DAW1: variants seen among roughly 807,000 people sequenced by gnomAD.
DAW1 encodes the protein dynein assembly factor with WD repeats 1.
Under a neutral mutation model 56.5 loss-of-function variants are expected in DAW1, and 47 were observed. The ratio of observed to expected loss-of-function variants is 0.83; its 90% CI spans 0.66 to 1.06. The LOEUF is 1.06. Ranked by LOEUF, DAW1 falls within the 50% of genes least tolerant of loss-of-function variation. DAW1 has a pLI of 0.00. For missense variants in DAW1, 505 were observed against 499.3 expected, an observed-to-expected ratio of 1.01 and a Z score of -0.11; for synonymous variants, 190 against 179.0, an observed-to-expected ratio of 1.06 and a Z score of -0.49.
intron 10 of DAW1, among the ~76,000 whole-genome samples, chr2:227,915,375 C>A (rs933380833): frequency 6.6e-6 from 1 of 152,030 alleles, no homozygotes; most frequent in Non-Finnish European, 1.5e-5. Context: ...AACTTAAGTA[C>A]TATGTATATG....
intron 2 of DAW1, chr2:227,887,866 C>T (rs986068502): frequency 1.3e-5 from 2 of 152,176 alleles, no homozygotes; most frequent in Admixed American, 1.3e-4. Flanking sequence ...TGTAAAAACA[C>T]TGGCACCATA....
intron 5 of DAW1, among the ~76,000 whole-genome samples, chr2:227,897,970 A>G (rs1691451546): frequency 6.6e-6 from 1 of 152,136 alleles, no homozygotes; most frequent in Non-Finnish European, 1.5e-5. Context: ...TATACCTATA[A>G]CTTTAATATA....
intron 2 of DAW1, among the ~76,000 whole-genome samples, chr2:227,888,949 G>T (rs1457680497): frequency 6.6e-6 from 1 of 151,958 alleles, no homozygotes; most frequent in African/African-American, 2.4e-5. Context: ...GTCTTATGAT[G>T]CTTTAAATTT....
Position 227,907,247 on chromosome 2 carries a change from C to G in DAW1, c.968C>G (p.Ala323Gly), listed in dbSNP as rs1365625335. The G allele has an allele frequency of 4.3e-6, 7 of 1,611,306 alleles. 1 individual carries two copies. In the Admixed American group the frequency reaches 1.2e-4, roughly 27 times the overall value. Residue 323 changes from alanine to glycine, a missense_variant, in exon 10 of 13, where the codon GCT becomes GGT. Transcript: ENST00000309931. The part of the protein sequence containing the change: ...YTGKLIATAS[A>G]DGTARIFSAA... ...GGAAAGCTTATTGCAACTGCTTCAGCTGATGGTAGGTGATCTGTTCATTCT... is the reference window on the plus strand; with the variant it reads ...GGAAAGCTTATTGCAACTGCTTCAGGTGATGGTAGGTGATCTGTTCATTCT...
chr2:227,904,740 C>A (rs2106205085), intron 7 of DAW1, among the ~76,000 whole-genome samples, 189 bp from the exon 8 acceptor site: 1 of 152,228 alleles, frequency 6.6e-6, no homozygotes, highest in Non-Finnish European at 1.5e-5. Context: ...AGTTTTCAAA[C>A]CTTTCCATCA....
chr2:227,888,703 G>A (rs1691187017), intron 2 of DAW1, among the ~76,000 whole-genome samples: 1 of 152,228 alleles, frequency 6.6e-6, no homozygotes, highest in African/African-American at 2.4e-5. Context: ...TCTGCATAGT[G>A]CATCTTCTGG....
rs755784689 is a variant in DAW1, at chr2:227,906,306, A to T, written c.826A>T (p.Ile276Leu). The T allele has an allele frequency of 5.0e-6, 8 of 1,612,658 alleles. No homozygotes were observed. Among genetic ancestry groups the T allele is most frequent in the Non-Finnish European group, 6.8e-6 (8 of 1,179,082 alleles). ...CTCATTCAATTGGGATTGCTCTCTA[A>T]TATTAACTGGCTCTATGGACAAAAC... ...SASFNWDCSL[I>L]LTGSMDKTCK... Residue 276 changes from isoleucine to leucine, a missense_variant, in exon 9 of 13, where the codon ATA becomes TTA. By Grantham distance (5) the Ile-to-Leu change is conservative (BLOSUM62 2). Coordinates refer to ENST00000309931, the MANE Select transcript of DAW1 (RefSeq NM_178821.3).
intron 11 of DAW1, among the ~76,000 whole-genome samples, chr2:227,919,296 T>G (rs1432831140): frequency 6.6e-6 from 1 of 152,124 alleles, no homozygotes; most frequent in African/African-American, 2.4e-5. Context: ...GTCTCATGTT[T>G]TTTTCTAGAA....
chr2:227,897,430 A>C (rs2106199757), intron 5 of DAW1, among the ~76,000 whole-genome samples: 1 of 152,292 alleles, frequency 6.6e-6, no homozygotes, highest in African/African-American at 2.4e-5. Context: ...GGGTTGTGAG[A>C]TCTCTTACAC....
At chr2:227,896,633 TGAGAGAGAGA>T (rs926180024) in intron 5 of DAW1, among the ~76,000 whole-genome samples, 1 of 126,196 alleles carries the variant, frequency 7.9e-6, no homozygotes, top group African/African-American at 2.8e-5. Context: ...TGTGTGTGTA[TGAGAGAGAGA>T]GAGAGAAAGG....
At chr2:227,913,388 CAT>C (rs1691875466) in intron 10 of DAW1, among the ~76,000 whole-genome samples, 1 of 152,202 alleles carries the variant, frequency 6.6e-6, no homozygotes, top group South Asian at 2.1e-4. Context: ...TTGATAACCA[CAT>C]GTGACATTAT....
intron 10 of DAW1, among the ~76,000 whole-genome samples, chr2:227,913,503 A>T (rs923863704): frequency 6.6e-6 from 1 of 152,142 alleles, no homozygotes; most frequent in African/African-American, 2.4e-5. Context: ...TGTGACATTT[A>T]TGATGCCATA....
rs112199468 is a variant in DAW1 at position 227,924,089 on chromosome 2, C to T, written c.*121C>T. The T allele has an allele frequency of 8.6e-7, 1 of 1,157,374 alleles. No homozygotes were observed. Among genetic ancestry groups the T allele is most frequent in the Non-Finnish European group, 1.3e-6 (1 of 793,158 alleles). The allele number at this position is 1,157,374 out of a possible 1,614,324, so 71.7% of individuals were successfully genotyped here. On this transcript the variant is annotated 3_prime_UTR_variant, in exon 13 of 13. Transcript: ENST00000309931. ...CTCTTTTTCTGCAAGTCAACTATTT[C>T]TACAACTGTCCTTCATTTCACAGAT...
chr2:227,875,871 G>A (rs1408193519), intron 1 of DAW1, among the ~76,000 whole-genome samples: 1 of 152,166 alleles, frequency 6.6e-6, no homozygotes, highest in Non-Finnish European at 1.5e-5. Flanking sequence ...AGAGCCTGGT[G>A]CATAAAATGA....
intron 10 of DAW1, among the ~76,000 whole-genome samples, chr2:227,917,265 TC>T (rs1376205111): frequency 8.4e-6 from 1 of 119,090 alleles, no homozygotes; most frequent in Non-Finnish European, 1.9e-5. Context: ...TTTTTTTGTT[TC>T]TTTTTTTTTT....
intron 6 of DAW1, among the ~76,000 whole-genome samples, chr2:227,899,757 G>A (rs1691493373): frequency 1.3e-5 from 2 of 152,136 alleles, no homozygotes; most frequent in African/African-American, 2.4e-5. Context: ...GGTGACAGCC[G>A]ATCTGCCAGC....
At chr2:227,876,490 A>G in intron 1 of DAW1, 3 of 1,302,208 alleles carry the variant, frequency 2.3e-6, no homozygotes, top group Non-Finnish European at 3.0e-6. Flanking sequence ...ACTACTGAAT[A>G]GCAGGTGGGT....
intron 1 of DAW1, among the ~76,000 whole-genome samples, chr2:227,879,470 G>A (rs1288110396): frequency 6.6e-6 from 1 of 151,984 alleles, no homozygotes; most frequent in Admixed American, 6.5e-5. Flanking sequence ...GGTTATGGTT[G>A]AAACTTCTTT....
intron 2 of DAW1, among the ~76,000 whole-genome samples, chr2:227,888,666 CTTGATTCT>C (rs916077588): frequency 1.3e-5 from 2 of 152,216 alleles, no homozygotes; most frequent in Admixed American, 1.3e-4. Flanking sequence ...TGACTCTGGG[CTTGATTCT>C]TTCTTAAAGG....
Sources: allele counts gnomAD v4.1 joint callset (sites outside exome capture counted in the v4.1 genomes callset), GRCh38; gene constraint gnomAD v4.1.1; transcripts MANE v1.5; gene names NCBI Gene and HGNC (gene_info 2026-07-23, HGNC 2026-07-21).